SATB2: variants seen among roughly 807,000 people sequenced by gnomAD.
SATB2 encodes DNA-binding protein SATB2.
Under a neutral mutation model 73.4 loss-of-function variants are expected in SATB2, and 1 was observed. That is an observed-to-expected ratio of 0.01 (90% CI 0.00 to 0.06). The LOEUF (loss-of-function observed/expected upper bound fraction) is 0.06, where lower values mean the gene tolerates loss of function less well. Among genes scored for constraint, SATB2 ranks in the 10% least tolerant of loss-of-function variants. The pLI is 1.00. For missense variants in SATB2, 459 were observed against 945.8 expected (o/e 0.49, Z 6.75); for synonymous variants, 397 against 367.0 (o/e 1.08, Z -0.93).
chr2:199,376,854 G>C (rs924599014), intron 5 of SATB2, among the ~76,000 whole-genome samples: 1 of 152,150 alleles, frequency 6.6e-6, no homozygotes, highest in African/African-American at 2.4e-5. Flanking sequence ...GAATCTGAAA[G>C]ATAATTTCAT....
chr2:199,408,811 GA>G, intron 3 of SATB2, among the ~76,000 whole-genome samples: 1 of 152,098 alleles, frequency 6.6e-6, no homozygotes, highest in East Asian at 1.9e-4. Context: ...AGTAAAACAA[GA>G]GCAAATGGTG....
chr2:199,337,629 T>C (rs1688373554), intron 7 of SATB2, among the ~76,000 whole-genome samples: 2 of 152,162 alleles, frequency 1.3e-5, no homozygotes, highest in African/African-American at 2.4e-5. Context: ...TGGGGGTGTG[T>C]ACCAGCTCAT....
At chr2:199,444,570 T>C (rs1691910332) in intron 2 of SATB2, among the ~76,000 whole-genome samples, 1 of 152,056 alleles carries the variant, frequency 6.6e-6, no homozygotes, top group Non-Finnish European at 1.5e-5. Flanking sequence ...GTTGTCCCCC[T>C]CCCCCTAGAA....
chr2:199,286,006 T>A (rs943512800), intron 10 of SATB2, among the ~76,000 whole-genome samples: 1 of 152,000 alleles, frequency 6.6e-6, no homozygotes, highest in African/African-American at 2.4e-5. Context: ...AAAAATATTG[T>A]GACACAATAG....
intron 9 of SATB2, among the ~76,000 whole-genome samples, chr2:199,320,403 C>T (rs1181997184): frequency 1.3e-5 from 2 of 152,058 alleles, no homozygotes; most frequent in Admixed American, 6.6e-5. Flanking sequence ...AAGTACAAGG[C>T]GAAATGTGTA....
chr2:199,287,557 A>C (rs1185498178), intron 10 of SATB2, among the ~76,000 whole-genome samples: 1 of 152,006 alleles, frequency 6.6e-6, no homozygotes, highest in Non-Finnish European at 1.5e-5. Context: ...AGGATGATTT[A>C]GAAACAAGGA....
intron 3 of SATB2, among the ~76,000 whole-genome samples, chr2:199,416,811 CG>C (rs1691001054): frequency 6.6e-6 from 1 of 152,018 alleles, no homozygotes. Flanking sequence ...CTGAAGCAGG[CG>C]GATCATGAGG....
At position 199,441,599 on chromosome 2, in the gene SATB2, A is replaced by G. The variant is rs529680193; in HGVS notation, c.170-8085T>C. ...AGGCCAATCTTAACTTTGGACAATA[A>G]GAACAAAAATAGGCAGGGATGAGGA... On this transcript the variant is annotated intron_variant, in intron 2 of 10. Transcript: ENST00000417098. Among the ~76,000 whole-genome samples, 66 of 152,296 alleles carry G rather than the reference A, an allele frequency of 4.3e-4. 2 individuals are homozygous for G. In the South Asian group the frequency reaches 0.014, roughly 32 times the overall value.
chr2:199,349,777 G>GA (rs935943636), intron 6 of SATB2, among the ~76,000 whole-genome samples: 18 of 151,702 alleles, frequency 1.2e-4, no homozygotes, highest in Admixed American at 4.6e-4. Flanking sequence ...ACTCAGATAA[G>GA]AAAAAAAATC....
chr2:199,416,851 A>G (rs1691003203), intron 3 of SATB2, among the ~76,000 whole-genome samples: 2 of 152,132 alleles, frequency 1.3e-5, no homozygotes, highest in Non-Finnish European at 2.9e-5. Context: ...CCTGGCTAAC[A>G]TGGTGAAACC....
At chr2:199,343,021 T>C (rs1163498176) in intron 7 of SATB2, among the ~76,000 whole-genome samples, 1 of 152,198 alleles carries the variant, frequency 6.6e-6, no homozygotes, top group Non-Finnish European at 1.5e-5. Context: ...AAGTTTTTCA[T>C]CTGGAAATCT....
intron 5 of SATB2, chr2:199,369,025 T>C: frequency 3.9e-6 from 1 of 253,304 alleles, no homozygotes; most frequent in Non-Finnish European, 7.6e-6. Flanking sequence ...GATCAGATGC[T>C]CCAGCATCCG....
chr2:199,331,729 G>A (rs557254016), intron 7 of SATB2, among the ~76,000 whole-genome samples: 2 of 152,216 alleles, frequency 1.3e-5, no homozygotes, highest in African/African-American at 4.8e-5. Context: ...TAAATGGAAA[G>A]TGAGTCTATT....
intron 10 of SATB2, among the ~76,000 whole-genome samples, chr2:199,296,743 T>G (rs1480609920): frequency 6.6e-6 from 1 of 152,098 alleles, no homozygotes; most frequent in East Asian, 1.9e-4. Flanking sequence ...TAGATGGAAA[T>G]TCAGAGTGAA....
At chr2:199,415,853 C>A (rs957290619) in intron 3 of SATB2, among the ~76,000 whole-genome samples, 2 of 152,214 alleles carry the variant, frequency 1.3e-5, no homozygotes, top group Non-Finnish European at 2.9e-5. Flanking sequence ...CTCTCCAAGA[C>A]TTCTGCGAGT....
chr2:199,464,042 A>AG lies in SATB2; in HGVS notation c.-141+793dup, dbSNP rs1022683153. Among the ~76,000 whole-genome samples, 1 of 152,106 alleles carries AG rather than the reference A, an allele frequency of 6.6e-6. No individual in the cohort carries two copies. The highest frequency in any genetic ancestry group is 1.5e-5 in the Non-Finnish European group (1 of 68,012). ...CAGACACCTACTGGAGCCAGGGACG[A>AG]GGGGGGCAGTGTATCCGGCGGCCCA... On this transcript the variant is annotated intron_variant, in intron 1 of 11. Transcript: ENST00000260926. The surrounding 1 kb of genome is among the most constrained non-coding windows in gnomAD (Gnocchi z 6.6).
At position 199,308,717 on chromosome 2, in the gene SATB2, C is replaced by A; in HGVS notation, c.1740+43G>T. On this transcript the variant is annotated intron_variant, in intron 10 of 10. Transcript: ENST00000417098. This position sits in a 1 kb window ranked among gnomAD's most constrained non-coding sequence, Gnocchi z 4.6. ...ACCCTCAGCAGCTACTGCTGGCACA[C>A]AGAGCCCTGATCAGGTGGGGTACGG... The A allele has an allele frequency of 6.4e-7, 1 of 1,564,168 alleles. No homozygotes were observed. Among genetic ancestry groups the A allele is most frequent in the Non-Finnish European group, 8.8e-7 (1 of 1,135,654 alleles).
chr2:199,338,096 G>A (rs1285241384), intron 7 of SATB2, among the ~76,000 whole-genome samples: 1 of 152,150 alleles, frequency 6.6e-6, no homozygotes, highest in East Asian at 1.9e-4. Context: ...GGATGTGGTG[G>A]CTCACGCCTA....
Position 199,441,530 on chromosome 2 carries a change from C to A in SATB2, c.170-8016G>T, listed in dbSNP as rs532049177. ...ATGATATCAAGAAATAGCTTATTCT[C>A]AGAATTCTCTCTAGTAAAACCAGAT... On this transcript the variant is annotated intron_variant, in intron 2 of 10. Transcript: ENST00000417098. Among the ~76,000 whole-genome samples the A allele has an allele frequency of 1.6e-4, 24 of 152,266 alleles. No homozygotes were observed. The East Asian group carries it at 4.4e-3, about 28-fold the overall frequency.
Sources: allele counts gnomAD v4.1 joint callset (sites outside exome capture counted in the v4.1 genomes callset), GRCh38; gene constraint gnomAD v4.1.1; non-coding constraint Gnocchi (gnomAD v3.1); transcripts MANE v1.5; gene names NCBI Gene and HGNC (gene_info 2026-07-23, HGNC 2026-07-21).